Variants in TTLL5 observed in about 807,000 individuals in gnomAD.
TTLL5 encodes tubulin tyrosine ligase like 5.
TTLL5 carries 132 observed loss-of-function variants against 168.4 expected under a neutral mutation model. That is an observed-to-expected ratio of 0.78 (90% CI 0.68 to 0.91). TTLL5 has a LOEUF of 0.91. TTLL5 is among the 40% of genes least tolerant of loss of function. The pLI is 0.00. For synonymous variants in TTLL5, 546 were observed against 558.6 expected, an observed-to-expected ratio of 0.98 and a Z score of 0.32; for missense variants, 1,545 against 1,581.5, an observed-to-expected ratio of 0.98 and a Z score of 0.39.
intron 27 of TTLL5, chr14:75,814,428 A>G (rs1187494196): frequency 1.3e-5 from 2 of 152,222 alleles, no homozygotes; most frequent in Non-Finnish European, 2.9e-5. Context: ...AGAGAAGTGG[A>G]TGTAGCCTGG....
intron 30 of TTLL5, among the ~76,000 whole-genome samples, chr14:75,884,581 C>T (rs896388873): frequency 9.9e-5 from 15 of 152,252 alleles, no homozygotes; most frequent in African/African-American, 3.6e-4. Flanking sequence ...GGGGAAAAAG[C>T]GGAGATTTCT....
In TTLL5 at chr14:75,779,619, A is replaced by T; in HGVS notation, c.2432A>T (p.Asn811Ile). 6.2e-7 allele frequency: 1 copy of T among 1,613,870 alleles called. No homozygotes were observed. The change falls in exon 24 of 32, where the codon AAC (asparagine) becomes ATC (isoleucine). Residue 811 changes from asparagine (N) to isoleucine (I), a missense_variant. By Grantham distance (149) the Asn-to-Ile change is moderately radical (BLOSUM62 -3). Transcript: ENST00000298832. ...GTGTTGACTTTTTATACCCAAAAGA[A>T]CAAGTCTGCTAGTGTCTTCCTGGGG... ...EEVLTFYTQK[N>I]KSASVFLGTH...
At chr14:75,762,627 G>C (rs1003695333) in intron 18 of TTLL5, among the ~76,000 whole-genome samples, 1 of 152,052 alleles carries the variant, frequency 6.6e-6, no homozygotes, top group African/African-American at 2.4e-5. Flanking sequence ...ATTTTACCCA[G>C]CATTCCCTAT....
At chr14:75,924,786 A>T (rs1204800738) in intron 31 of TTLL5, among the ~76,000 whole-genome samples, 1 of 151,848 alleles carries the variant, frequency 6.6e-6, no homozygotes, top group Non-Finnish European at 1.5e-5. Context: ...CCCGCTCTCA[A>T]TGAGCTGCTG....
chr14:75,871,327 A>G (rs1274737748), intron 29 of TTLL5, among the ~76,000 whole-genome samples: 1 of 152,134 alleles, frequency 6.6e-6, no homozygotes, highest in Non-Finnish European at 1.5e-5. Context: ...TCCACTGATG[A>G]GGAAATCAAT....
chr14:75,783,174 C>G lies in TTLL5; in HGVS notation c.2630C>G (p.Ala877Gly), dbSNP rs766256432. The G allele has an allele frequency of 3.1e-6, 5 of 1,611,704 alleles. No homozygotes were observed. The East Asian group carries it at 1.1e-4, about 36-fold the overall frequency. The part of the protein sequence containing the change: ...SRFTTSAEKE[A>G]KLVYSNSSSG... The stretch of plus-strand genomic sequence containing the variant: ...TTTACCACTTCAGCAGAAAAAGAGG[C>G]AAAATTAGTTTATAGCAATTCCTCC... Residue 877 changes from alanine to glycine, a missense_variant, in exon 26 of 32, where the codon GCA becomes GGA. Transcript: ENST00000298832.
At chr14:75,664,945 A>C (rs1005270451) in intron 2 of TTLL5, among the ~76,000 whole-genome samples, 2 of 152,244 alleles carry the variant, frequency 1.3e-5, no homozygotes, top group African/African-American at 4.8e-5. Context: ...GGTCAGAAAC[A>C]GTCAAATACT....
intron 21 of TTLL5, among the ~76,000 whole-genome samples, chr14:75,773,903 A>AAT (rs1891494344): frequency 1.3e-5 from 1 of 74,686 alleles, no homozygotes; most frequent in African/African-American, 4.2e-5. Flanking sequence ...AAAAAAAAAA[A>AAT]ATACATATAT....
intron 31 of TTLL5, among the ~76,000 whole-genome samples, chr14:75,904,755 C>T (rs941869578): frequency 2.0e-5 from 3 of 152,148 alleles, no homozygotes; most frequent in African/African-American, 7.2e-5. Context: ...TTATTACTTA[C>T]TGCTTTTGTC....
chr14:75,900,829 G>C (rs2032892401), intron 30 of TTLL5, among the ~76,000 whole-genome samples: 1 of 152,170 alleles, frequency 6.6e-6, no homozygotes, highest in Admixed American at 6.5e-5. Flanking sequence ...ATCTAAACCA[G>C]GTTCCCCTGC....
intron 30 of TTLL5, among the ~76,000 whole-genome samples, chr14:75,889,082 T>A (rs1335800351): frequency 2.0e-5 from 3 of 152,156 alleles, no homozygotes; most frequent in Non-Finnish European, 4.4e-5. Flanking sequence ...TGTGGAGAAC[T>A]AGACAAAGCT....
At chr14:75,883,015 C>A in intron 30 of TTLL5, 113 bp downstream of exon 30, 1 of 1,165,776 alleles carries the variant, frequency 8.6e-7, no homozygotes, top group Middle Eastern at 2.1e-4. Flanking sequence ...AACAAGAACA[C>A]CTGCTGGGAA....
At chr14:75,871,023 T>C (rs1420633853) in intron 29 of TTLL5, among the ~76,000 whole-genome samples, 1 of 151,994 alleles carries the variant, frequency 6.6e-6, no homozygotes, top group Non-Finnish European at 1.5e-5. Context: ...CTTGATCTCC[T>C]GACCTTGTGA....
chr14:75,663,285 T>A, intron 2 of TTLL5, 62 bp downstream of exon 2: 1 of 1,444,372 alleles, frequency 6.9e-7, no homozygotes, highest in Non-Finnish European at 9.5e-7. Context: ...TATACTCTTA[T>A]ATACTGTTTT....
intron 2 of TTLL5, among the ~76,000 whole-genome samples, 180 bp from the exon 3 acceptor site, chr14:75,669,236 G>A (rs1336232972): frequency 6.6e-6 from 1 of 152,170 alleles, no homozygotes; most frequent in Admixed American, 6.5e-5. Context: ...CCTGAACCAG[G>A]GATAGAGTTA....
At chr14:75,853,269 A>G (rs774371985) in intron 28 of TTLL5, among the ~76,000 whole-genome samples, 31 of 152,066 alleles carry the variant, frequency 2.0e-4, no homozygotes, top group Non-Finnish European at 4.1e-4. Flanking sequence ...GACTAACATG[A>G]TTTTCATCAC....
intron 2 of TTLL5, among the ~76,000 whole-genome samples, chr14:75,664,254 A>T (rs549822016): frequency 4.6e-4 from 70 of 152,282 alleles, no homozygotes; most frequent in Non-Finnish European, 8.4e-4. Context: ...AGAGTAAGTG[A>T]TGCATTGAGA....
intron 12 of TTLL5, among the ~76,000 whole-genome samples, chr14:75,725,243 G>A (rs1293973069): frequency 1.3e-5 from 2 of 152,244 alleles, no homozygotes; most frequent in African/African-American, 4.8e-5. Context: ...TTGGAGGAAT[G>A]AAAGCAGGCA....
chr14:75,795,122 A>G (rs1384811250), intron 27 of TTLL5, among the ~76,000 whole-genome samples: 1 of 151,892 alleles, frequency 6.6e-6, no homozygotes, highest in Non-Finnish European at 1.5e-5. Context: ...GATCTTGGAC[A>G]GTTCACTCTA....
Sources: allele counts gnomAD v4.1 joint callset (sites outside exome capture counted in the v4.1 genomes callset), GRCh38; gene constraint gnomAD v4.1.1; transcripts MANE v1.5; gene names NCBI Gene and HGNC (gene_info 2026-07-23, HGNC 2026-07-21).